FOXP1: variants seen among roughly 807,000 people sequenced by gnomAD.
The protein encoded by FOXP1 is forkhead box P1, also known as forkhead box protein P1.
A neutral mutation model predicts 98.2 loss-of-function variants in FOXP1; 15 were observed. The observed-to-expected ratio is 0.15, with a 90% CI of 0.10 to 0.24. The LOEUF (loss-of-function observed/expected upper bound fraction) is 0.24, where lower values mean the gene tolerates loss of function less well. Ranked by LOEUF, FOXP1 falls within the 10% of genes least tolerant of loss-of-function variation. The pLI is 1.00. For missense variants in FOXP1, 633 were observed against 848.5 expected (o/e 0.75, Z 3.15); for synonymous variants, 371 against 314.5 (o/e 1.18, Z -1.90).
intron 2 of FOXP1, among the ~76,000 whole-genome samples, chr3:71,558,022 G>A (rs1412907208): frequency 1.3e-5 from 2 of 152,042 alleles, no homozygotes; most frequent in South Asian, 2.1e-4. Flanking sequence ...TCACTATGTC[G>A]GCCGGGCTGG....
In FOXP1 at chr3:71,546,780, C is replaced by T. The variant is rs191858163; in HGVS notation, c.-298+34769G>A. On this transcript the variant is annotated intron_variant, in intron 2 of 20. Coordinates refer to ENST00000649528, the MANE Select transcript of FOXP1 (RefSeq NM_001349338.3). Reference sequence around the variant, plus strand: ...CCTAGCCTCTGCAGCCCACTCTAAACGGACGATGATTTGCTGATGGTGATT... The same window carrying T: ...CCTAGCCTCTGCAGCCCACTCTAAATGGACGATGATTTGCTGATGGTGATT... 2.1e-3 allele frequency among the ~76,000 whole-genome samples: 318 copies of T among 152,314 alleles called. 1 individual carries two copies. The highest frequency in any genetic ancestry group is 7.3e-3 in the African/African-American group (302 of 41,570).
intron 7 of FOXP1, among the ~76,000 whole-genome samples, chr3:71,054,973 T>TAA: frequency 6.8e-6 from 1 of 147,060 alleles, no homozygotes; most frequent in East Asian, 2.0e-4. Flanking sequence ...GTGTGCTACT[T>TAA]AAAAAAAAAA....
chr3:71,103,250 T>C (rs2057127997), intron 7 of FOXP1, among the ~76,000 whole-genome samples: 1 of 152,196 alleles, frequency 6.6e-6, no homozygotes, highest in Admixed American at 6.5e-5. Context: ...TAACCCATAG[T>C]TACAGAAGTG....
chr3:71,387,688 A>C (rs1287635017), intron 3 of FOXP1, among the ~76,000 whole-genome samples: 1 of 152,258 alleles, frequency 6.6e-6, no homozygotes. Context: ...TGCATGTGTG[A>C]TGATTACACA....
At chr3:71,078,179 G>A (rs1206465618) in intron 7 of FOXP1, among the ~76,000 whole-genome samples, 1 of 152,152 alleles carries the variant, frequency 6.6e-6, no homozygotes, top group Non-Finnish European at 1.5e-5. Context: ...GATGAATTGT[G>A]TGCTCTTTCT....
chr3:71,125,679 C>A (rs774368002), intron 6 of FOXP1, among the ~76,000 whole-genome samples: 1 of 152,134 alleles, frequency 6.6e-6, no homozygotes, highest in Non-Finnish European at 1.5e-5. Context: ...CATGGTTTAG[C>A]ATAAGATGGA....
intron 12 of FOXP1, among the ~76,000 whole-genome samples, chr3:71,014,022 C>T (rs73625308): frequency 0.025 from 3,784 of 152,216 alleles, 139 homozygotes; most frequent in African/African-American, 0.085. Context: ...AAGACTTAAA[C>T]GTTAGACCTA....
intron 7 of FOXP1, among the ~76,000 whole-genome samples, chr3:71,063,558 C>T (rs2051848116): frequency 2.6e-5 from 4 of 152,180 alleles, no homozygotes; most frequent in Admixed American, 2.0e-4. Flanking sequence ...AATAAAAATG[C>T]CACTTGCTTT....
At chr3:71,348,338 C>T (rs1237518878) in intron 4 of FOXP1, among the ~76,000 whole-genome samples, 2 of 152,110 alleles carry the variant, frequency 1.3e-5, no homozygotes, top group Non-Finnish European at 2.9e-5. Flanking sequence ...AATTCATGAA[C>T]TCCATTTATT....
At chr3:71,068,673 CAATT>C (rs780719404) in intron 7 of FOXP1, among the ~76,000 whole-genome samples, 3 of 152,160 alleles carry the variant, frequency 2.0e-5, no homozygotes, top group Non-Finnish European at 4.4e-5. Flanking sequence ...TTCCCCTTTC[CAATT>C]AATTTAATGG....
chr3:71,361,872 T>C (rs2078595588), intron 3 of FOXP1, among the ~76,000 whole-genome samples: 1 of 152,176 alleles, frequency 6.6e-6, no homozygotes, highest in Admixed American at 6.6e-5. Flanking sequence ...AATAGTAAAT[T>C]TGAACTCTAA....
intron 4 of FOXP1, among the ~76,000 whole-genome samples, chr3:71,338,020 G>A (rs372391253): frequency 6.6e-6 from 1 of 152,300 alleles, no homozygotes; most frequent in East Asian, 1.9e-4. Flanking sequence ...TGAGCTCATA[G>A]TAAGTATTAA....
chr3:71,137,588 G>C (rs1225521769), intron 6 of FOXP1, among the ~76,000 whole-genome samples: 1 of 152,040 alleles, frequency 6.6e-6, no homozygotes, highest in Admixed American at 6.5e-5. Flanking sequence ...AGCTTTTGTG[G>C]CTCCAGTTTG....
At chr3:71,035,803 T>C (rs2047499922) in intron 11 of FOXP1, among the ~76,000 whole-genome samples, 1 of 152,072 alleles carries the variant, frequency 6.6e-6, no homozygotes, top group Admixed American at 6.5e-5. Flanking sequence ...GGAAAAACTC[T>C]TCAAAATAAT....
At chr3:71,275,502 C>A (rs1288695) in intron 5 of FOXP1, among the ~76,000 whole-genome samples, 1 of 151,982 alleles carries the variant, frequency 6.6e-6, no homozygotes, top group African/African-American at 2.4e-5. Flanking sequence ...CCACCTCATG[C>A]ACCCTACACC....
At chr3:71,427,384 C>T (rs533127352) in intron 3 of FOXP1, among the ~76,000 whole-genome samples, 70 of 152,246 alleles carry the variant, frequency 4.6e-4, no homozygotes, top group Non-Finnish European at 7.6e-4. Flanking sequence ...AGGTATCCTA[C>T]GGAGAGGGTC....
At chr3:70,961,510 C>T (rs973531832) in intron 20 of FOXP1, among the ~76,000 whole-genome samples, 1 of 152,100 alleles carries the variant, frequency 6.6e-6, no homozygotes, top group Non-Finnish European at 1.5e-5. Flanking sequence ...GGATTACAGG[C>T]GTGAGACACC....
At chr3:71,108,627 G>A (rs1021799659) in intron 7 of FOXP1, among the ~76,000 whole-genome samples, 4 of 152,116 alleles carry the variant, frequency 2.6e-5, no homozygotes, top group Non-Finnish European at 2.9e-5. Flanking sequence ...TTATCTGGGC[G>A]TGGTGGTGCA....
intron 3 of FOXP1, among the ~76,000 whole-genome samples, chr3:71,419,520 C>A (rs1339145346): frequency 6.6e-6 from 1 of 151,960 alleles, no homozygotes; most frequent in African/African-American, 2.4e-5. Context: ...CCATACCTAA[C>A]ACCTGCTCTC....
Sources: allele counts gnomAD v4.1 joint callset (sites outside exome capture counted in the v4.1 genomes callset), GRCh38; gene constraint gnomAD v4.1.1; transcripts MANE v1.5; gene names NCBI Gene and HGNC (gene_info 2026-07-23, HGNC 2026-07-21).